Variants in MYO10 observed in about 807,000 individuals in gnomAD.
The protein encoded by MYO10 is myosin X.
MYO10 carries 133 observed loss-of-function variants against 257.3 expected under a neutral mutation model. That is an observed-to-expected ratio of 0.52 (90% CI 0.45 to 0.60). The LOEUF (loss-of-function observed/expected upper bound fraction) is 0.60. Among genes scored for constraint, MYO10 ranks in the 20% least tolerant of loss-of-function variants. The probability of loss-of-function intolerance (pLI) is 0.00; values close to 1 mark genes in which losing one functional copy is unlikely to be tolerated. For synonymous variants in MYO10, 1,104 were observed against 1,028.6 expected, an observed-to-expected ratio of 1.07 and a Z score of -1.40; for missense variants, 2,399 against 2,635.7, an observed-to-expected ratio of 0.91 and a Z score of 1.97.
intron 22 of MYO10, among the ~76,000 whole-genome samples, chr5:16,704,164 A>AT (rs1269044683): frequency 7.3e-5 from 11 of 151,144 alleles, no homozygotes; most frequent in African/African-American, 2.4e-4. Flanking sequence ...TAAAAAAAAA[A>AT]TTTTTTTTTA....
intron 1 of MYO10, among the ~76,000 whole-genome samples, chr5:16,922,620 C>A (rs2126801896): frequency 6.6e-6 from 1 of 152,242 alleles, no homozygotes; most frequent in South Asian, 2.1e-4. Context: ...GCCAGCAGGT[C>A]CATGGTCACC....
Position 16,821,152 on chromosome 5 carries a change from T to C in MYO10, c.121-2985A>G, listed in dbSNP as rs372188574. Among the ~76,000 whole-genome samples, 16 of 148,074 alleles carry C rather than the reference T, an allele frequency of 1.1e-4. No individual in the cohort carries two copies. In the East Asian group the frequency reaches 3.0e-3, roughly 28 times the overall value. On this transcript the variant is annotated intron_variant, in intron 2 of 40. Coordinates refer to ENST00000513610, the MANE Select transcript of MYO10 (RefSeq NM_012334.3). ...TGTATGTATATGTATGTATAAAATA[T>C]CTATATAAGGTATATATATAAAATG...
Position 16,663,286 on chromosome 5 carries a change from T to A in MYO10, c.*3406A>T, listed in dbSNP as rs113060331. 55 of 146,944 alleles carry A rather than the reference T, an allele frequency of 3.7e-4. No individual in the cohort carries two copies. Among genetic ancestry groups the A allele is most frequent in the African/African-American group, 1.3e-3 (50 of 39,348 alleles). The allele number at this position is 146,944 out of a possible 1,614,324, so 9.1% of individuals were successfully genotyped here. Reference sequence around the variant, plus strand: ...GTTTCTGGGAAAGGAAAATGGGTAATTAGGGCTACAGCTGGAAAAAAGTAA... The same window carrying A: ...GTTTCTGGGAAAGGAAAATGGGTAAATAGGGCTACAGCTGGAAAAAAGTAA... On this transcript the variant is annotated 3_prime_UTR_variant, in exon 41 of 41. Transcript: ENST00000513610.
chr5:16,909,980 C>A (rs1408692436), intron 1 of MYO10, among the ~76,000 whole-genome samples: 1 of 152,114 alleles, frequency 6.6e-6, no homozygotes, highest in Non-Finnish European at 1.5e-5. Context: ...CTTCCTGAGG[C>A]CTCACCAGAA....
At chr5:16,673,631 T>G in intron 36 of MYO10, 51 bp downstream of exon 36, 2 of 1,555,516 alleles carry the variant, frequency 1.3e-6, no homozygotes, top group Non-Finnish European at 1.8e-6. Flanking sequence ...GACGCAGGTG[T>G]ATCTGCAGCA....
intron 33 of MYO10, among the ~76,000 whole-genome samples, chr5:16,678,876 G>T (rs1662075601): frequency 6.6e-6 from 1 of 152,172 alleles, no homozygotes; most frequent in South Asian, 2.1e-4. Flanking sequence ...CTGCAGGACT[G>T]CTTGGAGGGC....
chr5:16,848,155 C>CATTTTTTTTTTTTTTT, intron 2 of MYO10, among the ~76,000 whole-genome samples: 1 of 113,596 alleles, frequency 8.8e-6, no homozygotes, highest in Non-Finnish European at 1.7e-5. Flanking sequence ...CTACACATTT[C>CATTTTTTTTTTTTTTT]TTTTTTTTTT....
intron 19 of MYO10, among the ~76,000 whole-genome samples, chr5:16,715,784 G>A (rs1486085063): frequency 3.9e-5 from 6 of 152,000 alleles, no homozygotes; most frequent in African/African-American, 1.2e-4. Context: ...GGCCAGGCGC[G>A]GTGGCTCACG....
At chr5:16,920,457 A>C (rs555603505) in intron 1 of MYO10, among the ~76,000 whole-genome samples, 1 of 152,336 alleles carries the variant, frequency 6.6e-6, no homozygotes, top group African/African-American at 2.4e-5. Context: ...CAATACTCTC[A>C]AATAACAAAA....
intron 2 of MYO10, among the ~76,000 whole-genome samples, chr5:16,868,732 T>G (rs1256560572): frequency 6.6e-6 from 1 of 152,190 alleles, no homozygotes; most frequent in African/African-American, 2.4e-5. Context: ...GAGGCCACAG[T>G]TACATATTTT....
chr5:16,670,371 G>C (rs1736388129), intron 39 of MYO10, among the ~76,000 whole-genome samples, 155 bp downstream of exon 39: 1 of 152,134 alleles, frequency 6.6e-6, no homozygotes, highest in African/African-American at 2.4e-5. Flanking sequence ...TGAGGAGAAG[G>C]GAGGCGTTAA....
intron 2 of MYO10, among the ~76,000 whole-genome samples, chr5:16,835,535 C>T (rs1475043635): frequency 9.3e-6 from 1 of 107,248 alleles, no homozygotes; most frequent in African/African-American, 3.5e-5. Flanking sequence ...TGTACAAAGA[C>T]AGCAAGATGT....
At chr5:16,689,704 CA>C in intron 28 of MYO10, 119 bp downstream of exon 28, 7 of 743,950 alleles carry the variant, frequency 9.4e-6, no homozygotes, top group Admixed American at 2.5e-5. Context: ...CTTGGTTCTT[CA>C]AAAAAAGTCA....
At chr5:16,668,198 A>T in intron 40 of MYO10, 79 bp downstream of exon 40, 1 of 1,414,826 alleles carries the variant, frequency 7.1e-7, no homozygotes, top group African/African-American at 1.4e-5. Context: ...GACCTGGTCA[A>T]AGGCATGAGG....
At chr5:16,836,468 G>A (rs576998616) in intron 2 of MYO10, among the ~76,000 whole-genome samples, 14 of 152,268 alleles carry the variant, frequency 9.2e-5, no homozygotes, top group African/African-American at 3.1e-4. Flanking sequence ...AGATAATGAA[G>A]AAGGCCAACA....
At chr5:16,788,497 C>G (rs58840252) in intron 4 of MYO10, among the ~76,000 whole-genome samples, 2,935 of 152,198 alleles carry the variant, frequency 0.019, 103 homozygotes, top group African/African-American at 0.067. Context: ...GGAGAGGCTA[C>G]TGGCTGAGAA....
rs551682731 is a variant in MYO10 at position 16,869,189 on chromosome 5, T to C, written c.120+8420A>G. Among the ~76,000 whole-genome samples, 677 of 103,122 alleles carry C rather than the reference T, an allele frequency of 6.6e-3. 10 individuals carry two copies. Among genetic ancestry groups the C allele is most frequent in the African/African-American group, 0.024 (645 of 26,652 alleles). 67.7% of individuals were successfully genotyped at this position (103,122 alleles called of 152,430 possible). ...ACAGGCACCCACCACCACACCCGGCTAATTTTTTTTTTTTTTTTTTTTTGT... is the reference window on the plus strand; with the variant it reads ...ACAGGCACCCACCACCACACCCGGCCAATTTTTTTTTTTTTTTTTTTTTGT... On this transcript the variant is annotated intron_variant, in intron 2 of 40. Transcript: ENST00000513610.
intron 2 of MYO10, among the ~76,000 whole-genome samples, chr5:16,843,266 G>A (rs1348954061): frequency 6.6e-6 from 1 of 152,144 alleles, no homozygotes; most frequent in East Asian, 1.9e-4. Flanking sequence ...CTATGGCAAT[G>A]ACCTAATCTA....
rs1560968986 is a variant in MYO10 at position 16,758,243 on chromosome 5, CAGG to C, written c.1740-20_1740-18del. 6 of 1,546,926 alleles carry C rather than the reference CAGG, an allele frequency of 3.9e-6. No homozygotes were observed. The highest frequency in any genetic ancestry group is 3.3e-5 in the Admixed American group (2 of 59,874). ...AAGTCAAATCTGTGTGAGGCAAGAG[CAGG>C]AGGTCAGTGAGGCACACACACCCAT... On this transcript the variant is annotated intron_variant, in intron 17 of 40. Transcript: ENST00000513610.
Sources: allele counts gnomAD v4.1 joint callset (sites outside exome capture counted in the v4.1 genomes callset), GRCh38; gene constraint gnomAD v4.1.1; transcripts MANE v1.5; gene names NCBI Gene and HGNC (gene_info 2026-07-23, HGNC 2026-07-21).